GBE1: variants seen among roughly 807,000 people sequenced by gnomAD.
GBE1 encodes 1,4-alpha-glucan-branching enzyme.
In GBE1, 70 loss-of-function variants were observed where a neutral mutation model predicts 88.8. That is an observed-to-expected ratio of 0.79 (90% CI 0.65 to 0.96). GBE1 has a LOEUF of 0.96. Among genes scored for constraint, GBE1 ranks in the 40% least tolerant of loss-of-function variants. The pLI, the probability that GBE1 is intolerant of heterozygous loss-of-function variation, is 0.00. For missense variants in GBE1, 872 were observed against 871.0 expected (o/e 1.00, Z -0.01); for synonymous variants, 284 against 300.1 (o/e 0.95, Z 0.56).
chr3:81,500,440 A>G (rs1429469636), intron 14 of GBE1, among the ~76,000 whole-genome samples: 1 of 152,246 alleles, frequency 6.6e-6, no homozygotes, highest in Non-Finnish European at 1.5e-5. Context: ...AACTATTAAC[A>G]TAGAAGTTTA....
At chr3:81,561,033 A>G (rs1283797762) in intron 12 of GBE1, among the ~76,000 whole-genome samples, 1 of 152,034 alleles carries the variant, frequency 6.6e-6, no homozygotes, top group Non-Finnish European at 1.5e-5. Flanking sequence ...CCTCTTTTAC[A>G]AAAGATGAAT....
Position 81,583,776 on chromosome 3 carries a change from C to T in GBE1, c.1335+2316G>A, listed in dbSNP as rs151092573. Among the ~76,000 whole-genome samples the T allele has an allele frequency of 3.7e-4, 57 of 152,094 alleles. 1 individual carries two copies. In the Middle Eastern group the frequency reaches 0.02, roughly 54 times the overall value. On this transcript the variant is annotated intron_variant, in intron 10 of 15. Coordinates refer to ENST00000429644, the MANE Select transcript of GBE1 (RefSeq NM_000158.4). ...AGCAAGCAAGATGAAAATAAGTAGG[C>T]GTTACTCTAAAGGCAACATGAGGGA... is the stretch of plus-strand genomic sequence containing the variant.
chr3:81,739,081 A>T (rs1376800355), intron 1 of GBE1, among the ~76,000 whole-genome samples: 1 of 152,112 alleles, frequency 6.6e-6, no homozygotes. Context: ...TTATAAAGGT[A>T]CTAATCCCAT....
intron 3 of GBE1, among the ~76,000 whole-genome samples, chr3:81,662,577 G>T (rs1705046187): frequency 6.7e-6 from 1 of 148,636 alleles, no homozygotes; most frequent in South Asian, 2.1e-4. Context: ...TTACCCTGTT[G>T]TTCTAACCCA....
At chr3:81,732,009 G>GAAAAAC (rs1706193162) in intron 1 of GBE1, among the ~76,000 whole-genome samples, 2 of 151,866 alleles carry the variant, frequency 1.3e-5, no homozygotes, top group South Asian at 4.2e-4. Context: ...ATTGTAATGG[G>GAAAAAC]AAAAACAAAA....
chr3:81,647,319 C>T (rs1463139293), intron 5 of GBE1, among the ~76,000 whole-genome samples: 1 of 152,086 alleles, frequency 6.6e-6, no homozygotes, highest in East Asian at 1.9e-4. Context: ...TAATTTGCAC[C>T]TAAAAAATTA....
At chr3:81,586,066 CAA>C in intron 10 of GBE1, 24 bp downstream of exon 10, 1 of 1,424,458 alleles carries the variant, frequency 7.0e-7, no homozygotes, top group Non-Finnish European at 9.8e-7. Context: ...TTCACAGAAA[CAA>C]AAAATATTTA....
chr3:81,725,604 TATC>T (rs1434480624), intron 1 of GBE1, among the ~76,000 whole-genome samples: 3 of 152,228 alleles, frequency 2.0e-5, no homozygotes, highest in Non-Finnish European at 4.4e-5. Context: ...TAACATGTAT[TATC>T]ATTATTAAGC....
chr3:81,675,626 T>C (rs1023638375), intron 2 of GBE1, among the ~76,000 whole-genome samples: 2 of 152,062 alleles, frequency 1.3e-5, no homozygotes, highest in African/African-American at 2.4e-5. Flanking sequence ...ATTTTTCCCA[T>C]AGAAAAGTGA....
chr3:81,525,834 T>C (rs1240023859), intron 14 of GBE1, among the ~76,000 whole-genome samples: 1 of 152,146 alleles, frequency 6.6e-6, no homozygotes, highest in Admixed American at 6.6e-5. Context: ...GTGTTTCTAG[T>C]ATTCTCTGAT....
chr3:81,611,421 A>G lies in GBE1; in HGVS notation c.993-17398T>C, dbSNP rs572491751. Reference sequence around the variant, plus strand: ...AAAACAATTGGGGGAAAATGGAAATACAAGCTCTGGAAATAGAAGCAGCCC... The same window carrying G: ...AAAACAATTGGGGGAAAATGGAAATGCAAGCTCTGGAAATAGAAGCAGCCC... On this transcript the variant is annotated intron_variant, in intron 7 of 15. Coordinates refer to ENST00000429644, the MANE Select transcript of GBE1 (RefSeq NM_000158.4). Among the ~76,000 whole-genome samples the G allele has an allele frequency of 3.9e-5, 6 of 152,318 alleles. No homozygotes were observed. In the South Asian group the frequency reaches 8.3e-4, roughly 21 times the overall value.
intron 2 of GBE1, among the ~76,000 whole-genome samples, chr3:81,681,111 T>C (rs1440171844): frequency 2.0e-5 from 3 of 152,194 alleles, no homozygotes; most frequent in African/African-American, 7.2e-5. Context: ...AAGTGAGACA[T>C]TATTTGCTTA....
At chr3:81,638,654 C>G (rs1299430594) in intron 7 of GBE1, among the ~76,000 whole-genome samples, 1 of 152,130 alleles carries the variant, frequency 6.6e-6, no homozygotes, top group African/African-American at 2.4e-5. Context: ...TTTAGCAAAG[C>G]TAGAAGGCAG....
intron 2 of GBE1, among the ~76,000 whole-genome samples, chr3:81,671,786 C>G (rs1442995890): frequency 3.3e-5 from 5 of 151,824 alleles, no homozygotes; most frequent in African/African-American, 4.8e-5. Flanking sequence ...GTTTTTAAAA[C>G]TATAAAACTT....
At chr3:81,750,619 A>ATATATATATGTGTATATATATATATG (rs1706504240) in intron 1 of GBE1, among the ~76,000 whole-genome samples, 2 of 66,464 alleles carry the variant, frequency 3.0e-5, no homozygotes, top group African/African-American at 1.9e-4. Context: ...ATATATATGT[A>ATATATATATGTGTATATATATATATG]TATATATATA....
intron 12 of GBE1, among the ~76,000 whole-genome samples, chr3:81,541,420 A>C (rs1399355300): frequency 6.6e-6 from 1 of 151,478 alleles, no homozygotes; most frequent in Non-Finnish European, 1.5e-5. Context: ...TATAATCTAC[A>C]GCATAAATAA....
intron 7 of GBE1, chr3:81,612,220 TAAAAAA>T (rs11404629): frequency 3.4e-4 from 81 of 241,730 alleles, no homozygotes; most frequent in African/African-American, 7.4e-4. Context: ...CACGCTCCTT[TAAAAAA>T]AAAAAAAAAA....
intron 12 of GBE1, among the ~76,000 whole-genome samples, chr3:81,556,500 G>A (rs1299435303): frequency 1.3e-5 from 2 of 151,968 alleles, no homozygotes; most frequent in East Asian, 1.9e-4. Flanking sequence ...TGGGGGTAAC[G>A]AGAAACTTTT....
At chr3:81,491,297 C>G (rs1702433015) in intron 15 of GBE1, among the ~76,000 whole-genome samples, 1 of 152,132 alleles carries the variant, frequency 6.6e-6, no homozygotes, top group African/African-American at 2.4e-5. Context: ...GAACACTTAA[C>G]ACAATTTGTG....
Sources: gnomAD v4.1 joint callset for allele counts (sites outside exome capture counted in the v4.1 genomes callset) on GRCh38, gnomAD v4.1.1 for gene constraint, MANE v1.5 for transcripts, NCBI Gene and HGNC (gene_info 2026-07-23, HGNC 2026-07-21) for gene names.